The following FSTL5 variants were observed in gnomAD, a reference collection of about 807,000 sequenced individuals.
The protein encoded by FSTL5 is follistatin-related protein 5.
In FSTL5, 62 loss-of-function variants were observed where a neutral mutation model predicts 89.1. The observed-to-expected ratio is 0.70, with a 90% confidence interval of 0.57 to 0.86. The LOEUF is 0.86. FSTL5 is among the 40% of genes least tolerant of loss of function. FSTL5 has a pLI of 0.00. For synonymous variants in FSTL5, 383 were observed against 346.2 expected, an observed-to-expected ratio of 1.11 and a Z score of -1.18; for missense variants, 1,057 against 1,001.6, an observed-to-expected ratio of 1.06 and a Z score of -0.75.
intron 4 of FSTL5, among the ~76,000 whole-genome samples, chr4:161,778,700 TA>T (rs1394001192): frequency 6.6e-6 from 1 of 152,182 alleles, no homozygotes; most frequent in Non-Finnish European, 1.5e-5. Flanking sequence ...CACTAAAGAA[TA>T]ATAATAAGAA....
chr4:162,054,474 G>GA (rs1233988746), intron 2 of FSTL5, among the ~76,000 whole-genome samples: 2 of 151,714 alleles, frequency 1.3e-5, no homozygotes, highest in East Asian at 1.9e-4. Context: ...TAAGGACAGA[G>GA]AAAAAACGAA....
intron 2 of FSTL5, among the ~76,000 whole-genome samples, chr4:162,064,396 T>C (rs983866538): frequency 1.3e-5 from 2 of 152,076 alleles, no homozygotes; most frequent in African/African-American, 4.8e-5. Flanking sequence ...AAACATTTTC[T>C]GTGTGTCTGT....
At chr4:161,812,369 G>C (rs140955161) in intron 4 of FSTL5, among the ~76,000 whole-genome samples, 155 of 152,248 alleles carry the variant, frequency 1.0e-3, no homozygotes, top group Middle Eastern at 3.4e-3. Context: ...AGTCCCCTGT[G>C]CATGTACTGC....
In FSTL5 at chr4:161,550,072, T is replaced by C. The variant is rs150092546; in HGVS notation, c.1016-7379A>G. Among the ~76,000 whole-genome samples the C allele has an allele frequency of 7.9e-3, 1,201 of 152,002 alleles. 19 individuals are homozygous for C. Among genetic ancestry groups the C allele is most frequent in the African/African-American group, 0.028 (1,159 of 41,504 alleles). ...CTCTGGGAATATTAAACTAGCTTCA[T>C]GTTAACTACACAGAGAAAAATGAGG... On this transcript the variant is annotated intron_variant, in intron 8 of 15. Coordinates refer to ENST00000306100, the MANE Select transcript of FSTL5 (RefSeq NM_020116.5).
At chr4:161,489,920 T>TA in intron 12 of FSTL5, among the ~76,000 whole-genome samples, 1 of 152,166 alleles carries the variant, frequency 6.6e-6, no homozygotes, top group African/African-American at 2.4e-5. Context: ...ATGCAGAATT[T>TA]TTTTTGTACT....
intron 2 of FSTL5, among the ~76,000 whole-genome samples, chr4:162,085,615 A>T (rs1324687300): frequency 2.0e-5 from 3 of 152,124 alleles, no homozygotes; most frequent in African/African-American, 7.2e-5. Context: ...TCTAATCATT[A>T]GCCAGGTGTT....
chr4:162,055,262 T>A (rs1436755394), intron 2 of FSTL5, among the ~76,000 whole-genome samples: 1 of 151,776 alleles, frequency 6.6e-6, no homozygotes, highest in African/African-American at 2.4e-5. Flanking sequence ...ACAATTCTCA[T>A]AATTAGTACT....
intron 3 of FSTL5, among the ~76,000 whole-genome samples, chr4:162,017,202 G>A (rs1038215668): frequency 6.6e-6 from 1 of 152,134 alleles, no homozygotes; most frequent in African/African-American, 2.4e-5. Flanking sequence ...CCTGTGGTGT[G>A]CAGACCACAT....
chr4:161,513,272 G>GGGGA lies in FSTL5; in HGVS notation c.1313-2849_1313-2848insTCCC, dbSNP rs1349844190. 3.4e-4 allele frequency among the ~76,000 whole-genome samples: 37 copies of GGGGA among 110,026 alleles called. 1 individual carries two copies. The highest frequency in any genetic ancestry group is 1.2e-3 in the African/African-American group (33 of 28,560). 72.2% of individuals were successfully genotyped at this position (110,026 alleles called of 152,430 possible). A position where few individuals can be genotyped will look rare whatever the true frequency, so the allele number is the denominator to read the frequency against. ...ACTGAACTGAACCAAACAAGGAGGG[G>GGGGA]GAGAGAGAGAGAGAGAGAGAGAGAG... is the stretch of plus-strand genomic sequence containing the variant. On this transcript the variant is annotated intron_variant, in intron 10 of 15. Transcript: ENST00000306100.
chr4:161,459,311 G>A lies in FSTL5; in HGVS notation c.1617C>T (p.Ser539=). The A allele has an allele frequency of 6.2e-7, 1 of 1,605,430 alleles. No homozygotes were observed. The highest frequency in any genetic ancestry group is 8.5e-7 in the Non-Finnish European group (1 of 1,172,538). ...VQSQKVVQAV[S]TDPVPVKLHY... ...GTAATTTAACTGGGACAGGGTCTGT[G>A]CTCACTGCCTACAATAAAGAAGAAT... Residue 539 remains serine, a synonymous_variant, in exon 14 of 16, where the codon AGC becomes AGT. Coordinates refer to ENST00000306100, the MANE Select transcript of FSTL5 (RefSeq NM_020116.5).
chr4:161,993,643 T>C (rs1451212499), intron 3 of FSTL5, among the ~76,000 whole-genome samples: 1 of 152,052 alleles, frequency 6.6e-6, no homozygotes, highest in Non-Finnish European at 1.5e-5. Flanking sequence ...TTATCCCTTG[T>C]TACAGGCTCA....
Position 162,026,304 on chromosome 4 carries a change from C to CTTTT in FSTL5, c.160+7317_160+7320dup, listed in dbSNP as rs397996028. Among the ~76,000 whole-genome samples the CTTTT allele has an allele frequency of 2.4e-4, 19 of 79,480 alleles. 2 individuals are homozygous for CTTTT. Among genetic ancestry groups the CTTTT allele is most frequent in the Admixed American group, 6.7e-4 (3 of 4,464 alleles). 52.1% of individuals were successfully genotyped at this position (79,480 alleles called of 152,430 possible). A position where few individuals can be genotyped will look rare whatever the true frequency, so the allele number is the denominator to read the frequency against. On this transcript the variant is annotated intron_variant, in intron 3 of 15. Coordinates refer to ENST00000306100, the MANE Select transcript of FSTL5 (RefSeq NM_020116.5). ...TTTCAGGAGACAGCTTATGTATTTT[C>CTTTT]TTTTTTTTTTTTTTTCTTTTTGAGA...
At chr4:161,727,803 A>G (rs1739471488) in intron 6 of FSTL5, among the ~76,000 whole-genome samples, 1 of 152,212 alleles carries the variant, frequency 6.6e-6, no homozygotes, top group Admixed American at 6.5e-5. Flanking sequence ...AATATAAGAG[A>G]AGGCTTTCTG....
chr4:161,664,365 A>G (rs1736815554), intron 6 of FSTL5, among the ~76,000 whole-genome samples: 1 of 152,176 alleles, frequency 6.6e-6, no homozygotes, highest in Non-Finnish European at 1.5e-5. Flanking sequence ...GTTTTGCTGC[A>G]TAGAAATTTC....
At chr4:161,757,540 GA>G in intron 6 of FSTL5, among the ~76,000 whole-genome samples, 1 of 152,204 alleles carries the variant, frequency 6.6e-6, no homozygotes, top group East Asian at 1.9e-4. Flanking sequence ...AGTTTGATTA[GA>G]AACTCAGCCA....
At chr4:161,802,984 T>G (rs184705530) in intron 4 of FSTL5, among the ~76,000 whole-genome samples, 15 of 152,040 alleles carry the variant, frequency 9.9e-5, no homozygotes, top group Non-Finnish European at 2.9e-5. Context: ...ACACACATAT[T>G]GAGCTTTTTG....
chr4:161,660,966 T>A (rs1736686239), intron 6 of FSTL5, among the ~76,000 whole-genome samples: 1 of 152,124 alleles, frequency 6.6e-6, no homozygotes, highest in Admixed American at 6.5e-5. Context: ...TGTAATAGGA[T>A]AATTAATATT....
chr4:161,777,241 G>GGGTA (rs1553965041), intron 4 of FSTL5, among the ~76,000 whole-genome samples: 1 of 24,646 alleles, frequency 4.1e-5, no homozygotes, highest in Non-Finnish European at 1.2e-4. Context: ...ATATTTCATT[G>GGGTA]TGTATATATA....
intron 2 of FSTL5, among the ~76,000 whole-genome samples, chr4:162,055,560 T>C (rs1323954670): frequency 4.2e-5 from 6 of 144,274 alleles, no homozygotes; most frequent in Non-Finnish European, 7.6e-5. Context: ...GATAGATAGA[T>C]AGACAAATTG....
Sources: gnomAD v4.1 joint callset for allele counts (sites outside exome capture counted in the v4.1 genomes callset) on GRCh38, gnomAD v4.1.1 for gene constraint, MANE v1.5 for transcripts, NCBI Gene and HGNC (gene_info 2026-07-23, HGNC 2026-07-21) for gene names.